Variants in CFAP299 observed in about 807,000 individuals in gnomAD.
The protein encoded by CFAP299 is cilia and flagella associated protein 299, also known as cilia- and flagella-associated protein 299.
Under a neutral mutation model 27.0 loss-of-function variants are expected in CFAP299, and 21 were observed. The observed-to-expected ratio is 0.78, with a 90% confidence interval of 0.55 to 1.12. The LOEUF (loss-of-function observed/expected upper bound fraction) is 1.12, where lower values mean the gene tolerates loss of function less well. Among genes scored for constraint, CFAP299 ranks in the 50% most tolerant of loss-of-function variants. The pLI, the probability that CFAP299 is intolerant of heterozygous loss-of-function variation, is 0.00. For synonymous variants in CFAP299, 104 were observed against 98.1 expected, an observed-to-expected ratio of 1.06 and a Z score of -0.36; for missense variants, 310 against 276.6, an observed-to-expected ratio of 1.12 and a Z score of -0.86.
At chr4:80,768,935 A>T (rs893523743) in intron 3 of CFAP299, among the ~76,000 whole-genome samples, 1 of 152,214 alleles carries the variant, frequency 6.6e-6, no homozygotes, top group African/African-American at 2.4e-5. Context: ...AGCTCAGAGG[A>T]TGGACTGACT....
intron 3 of CFAP299, among the ~76,000 whole-genome samples, chr4:80,849,702 T>C (rs1282912364): frequency 6.6e-6 from 1 of 152,100 alleles, no homozygotes; most frequent in African/African-American, 2.4e-5. Context: ...GAATTGTGGT[T>C]ACCAGAGGCT....
At chr4:80,454,351 C>T (rs1729047387) in intron 2 of CFAP299, among the ~76,000 whole-genome samples, 2 of 152,156 alleles carry the variant, frequency 1.3e-5, no homozygotes, top group South Asian at 2.1e-4. Context: ...TATCTACCAG[C>T]GAACATTATT....
intron 2 of CFAP299, among the ~76,000 whole-genome samples, chr4:80,508,513 T>C (rs1416135381): frequency 6.6e-6 from 1 of 151,412 alleles, no homozygotes; most frequent in Non-Finnish European, 1.5e-5. Context: ...TAAATTGTTA[T>C]TATTTTCAGA....
intron 3 of CFAP299, among the ~76,000 whole-genome samples, chr4:80,740,539 A>C (rs146024258): frequency 4.6e-5 from 7 of 152,304 alleles, no homozygotes; most frequent in Non-Finnish European, 1.0e-4. Context: ...CCCTGTGGCC[A>C]TCACCACTGG....
chr4:80,777,658 C>T (rs964423252), intron 3 of CFAP299, among the ~76,000 whole-genome samples: 4 of 152,082 alleles, frequency 2.6e-5, no homozygotes, highest in African/African-American at 7.2e-5. Flanking sequence ...TGCAATTTTG[C>T]AACCTTGCTT....
chr4:80,956,623 CT>C (rs79920239), intron 5 of CFAP299, among the ~76,000 whole-genome samples: 282 of 141,244 alleles, frequency 2.0e-3, no homozygotes, highest in Non-Finnish European at 1.8e-3. Context: ...CTAAGATTTT[CT>C]TTTTTTTTTT....
intron 3 of CFAP299, among the ~76,000 whole-genome samples, chr4:80,734,413 G>A (rs1314510838): frequency 1.3e-5 from 2 of 151,908 alleles, no homozygotes; most frequent in East Asian, 3.9e-4. Flanking sequence ...TCATTCTGTG[G>A]GTTGTCTCTT....
intron 3 of CFAP299, among the ~76,000 whole-genome samples, chr4:80,676,373 G>A (rs1434103454): frequency 6.6e-6 from 1 of 152,102 alleles, no homozygotes. Context: ...TTATTTTGTT[G>A]AGGATTTTGT....
intron 4 of CFAP299, among the ~76,000 whole-genome samples, chr4:80,937,110 T>C (rs1736927266): frequency 6.6e-6 from 1 of 152,024 alleles, no homozygotes; most frequent in African/African-American, 2.4e-5. Flanking sequence ...TAATATTTGC[T>C]TTATACATTT....
intron 3 of CFAP299, among the ~76,000 whole-genome samples, chr4:80,834,803 C>T (rs1226715120): frequency 2.0e-5 from 3 of 152,080 alleles, no homozygotes; most frequent in Admixed American, 6.5e-5. Context: ...TGCTTGTCAT[C>T]GGTACTTGGA....
chr4:80,464,949 T>C (rs150746643), intron 2 of CFAP299, among the ~76,000 whole-genome samples: 6 of 152,294 alleles, frequency 3.9e-5, no homozygotes, highest in African/African-American at 1.4e-4. Context: ...GCTTTACGAA[T>C]GGTATTAAAG....
chr4:80,405,220 C>G (rs146518320), intron 2 of CFAP299, among the ~76,000 whole-genome samples: 2,205 of 152,286 alleles, frequency 0.014, 42 homozygotes, highest in Admixed American at 0.059. Context: ...GGCTTCTGTT[C>G]TTCTAAGCAG....
intron 3 of CFAP299, among the ~76,000 whole-genome samples, chr4:80,623,161 T>A (rs994051627): frequency 1.3e-5 from 2 of 152,072 alleles, no homozygotes; most frequent in African/African-American, 4.8e-5. Context: ...TAAGGAAGGC[T>A]AATATTGGCA....
intron 2 of CFAP299, among the ~76,000 whole-genome samples, chr4:80,436,177 G>A (rs1728062114): frequency 6.6e-6 from 1 of 152,016 alleles, no homozygotes; most frequent in South Asian, 2.1e-4. Flanking sequence ...CTGATTTTTA[G>A]TTAGGATTTC....
At chr4:80,609,190 G>A (rs1483114196) in intron 3 of CFAP299, among the ~76,000 whole-genome samples, 13 of 152,000 alleles carry the variant, frequency 8.6e-5, no homozygotes, top group Admixed American at 8.5e-4. Flanking sequence ...AAAAAAATAA[G>A]TATATGTTGG....
intron 2 of CFAP299, among the ~76,000 whole-genome samples, chr4:80,424,223 CTTCCCTTAACCT>C (rs1727430391): frequency 6.6e-6 from 1 of 152,188 alleles, no homozygotes. Flanking sequence ...GACTATGGCT[CTTCCCTTAACCT>C]TCCCACGTGG....
At chr4:80,876,006 C>T (rs1039567486) in intron 4 of CFAP299, among the ~76,000 whole-genome samples, 2 of 151,908 alleles carry the variant, frequency 1.3e-5, no homozygotes, top group Non-Finnish European at 2.9e-5. Flanking sequence ...GGTTGAACTG[C>T]GTCAGTCTGA....
intron 3 of CFAP299, among the ~76,000 whole-genome samples, chr4:80,611,068 T>A (rs1469149981): frequency 6.6e-6 from 1 of 152,098 alleles, no homozygotes; most frequent in Non-Finnish European, 1.5e-5. Flanking sequence ...ACAGTCATGT[T>A]ATTCCTGTCA....
At chr4:80,947,337 A>G (rs1342978924) in intron 5 of CFAP299, among the ~76,000 whole-genome samples, 2 of 152,156 alleles carry the variant, frequency 1.3e-5, no homozygotes, top group Admixed American at 1.3e-4. Context: ...TTTTAATTTT[A>G]TCTTGTGGAA....
Sources: gnomAD v4.1 joint callset for allele counts (sites outside exome capture counted in the v4.1 genomes callset) on GRCh38, gnomAD v4.1.1 for gene constraint, MANE v1.5 for transcripts, NCBI Gene and HGNC (gene_info 2026-07-23, HGNC 2026-07-21) for gene names.